The following CDKAL1 variants were observed in gnomAD, a reference collection of about 807,000 sequenced individuals.
CDKAL1 encodes the protein threonylcarbamoyladenosine tRNA methylthiotransferase.
In CDKAL1, 32 loss-of-function variants were observed where a neutral mutation model predicts 68.2. That is an observed-to-expected ratio of 0.47 (90% CI 0.35 to 0.63). CDKAL1 has a LOEUF of 0.63. Ranked by LOEUF, CDKAL1 falls within the 30% of genes least tolerant of loss-of-function variation. The probability of loss-of-function intolerance (pLI) is 0.00; values close to 1 mark genes in which losing one functional copy is unlikely to be tolerated. For synonymous variants in CDKAL1, 234 were observed against 244.3 expected (o/e 0.96, Z 0.39); for missense variants, 606 against 696.7 (o/e 0.87, Z 1.47).
At chr6:21,226,441 C>G (rs1269744456) in intron 15 of CDKAL1, among the ~76,000 whole-genome samples, 1 of 152,116 alleles carries the variant, frequency 6.6e-6, no homozygotes, top group Non-Finnish European at 1.5e-5. Context: ...ATCAAGGGAG[C>G]AGTGAGATTT....
chr6:21,138,227 A>G lies in CDKAL1; in HGVS notation c.1299+29764A>G, dbSNP rs972258254. 1.2e-4 allele frequency among the ~76,000 whole-genome samples: 6 copies of G among 48,686 alleles called. No individual in the cohort carries two copies. In the South Asian group the frequency reaches 4.6e-3, roughly 37 times the overall value. The allele number at this position is 48,686 out of a possible 152,430, so 31.9% of individuals were successfully genotyped here. A position where few individuals can be genotyped will look rare whatever the true frequency, so the allele number is the denominator to read the frequency against. ...TAATAACCCACATTTGTGTGTGTGTATGTGTGTGTCTGTGTGTGTGTGTGT... is the reference window on the plus strand; with the variant it reads ...TAATAACCCACATTTGTGTGTGTGTGTGTGTGTGTCTGTGTGTGTGTGTGT... On this transcript the variant is annotated intron_variant, in intron 13 of 15. Transcript: ENST00000274695.
At chr6:20,675,313 A>G (rs1309354948) in intron 5 of CDKAL1, among the ~76,000 whole-genome samples, 1 of 152,152 alleles carries the variant, frequency 6.6e-6, no homozygotes, top group Non-Finnish European at 1.5e-5. Context: ...CTGAGAACAC[A>G]TCTGGTCCTT....
chr6:20,769,322 G>A (rs562949099), intron 7 of CDKAL1, among the ~76,000 whole-genome samples: 2 of 144,512 alleles, frequency 1.4e-5, no homozygotes, highest in East Asian at 2.0e-4. Flanking sequence ...GCAGTGGTGC[G>A]ATCTTGGCTC....
At chr6:21,034,365 T>A (rs1769459496) in intron 11 of CDKAL1, among the ~76,000 whole-genome samples, 2 of 152,208 alleles carry the variant, frequency 1.3e-5, no homozygotes, top group African/African-American at 4.8e-5. Flanking sequence ...CTTTTATGAG[T>A]TCCATCTTTA....
chr6:21,090,473 T>G (rs1011269717), intron 12 of CDKAL1, among the ~76,000 whole-genome samples: 2 of 152,228 alleles, frequency 1.3e-5, no homozygotes, highest in Non-Finnish European at 2.9e-5. Context: ...AAATCCATTG[T>G]GCTTAGAAAA....
intron 12 of CDKAL1, among the ~76,000 whole-genome samples, chr6:21,099,592 A>G (rs889650318): frequency 2.6e-5 from 4 of 152,218 alleles, no homozygotes; most frequent in Admixed American, 1.3e-4. Flanking sequence ...TAATCCAGAT[A>G]AGAGGTAAAG....
rs55636413 is a variant in CDKAL1 at position 20,603,458 on chromosome 6, A to C, written c.287-45835A>C. ...GGTGGCTCAGACTCCTTTGATACCA[A>C]CTTCTGTTCCATTGCTTCCACTCCT... On this transcript the variant is annotated intron_variant, in intron 4 of 15. Coordinates refer to ENST00000274695, the MANE Select transcript of CDKAL1 (RefSeq NM_017774.3). Among the ~76,000 whole-genome samples, 412 of 152,294 alleles carry C rather than the reference A, an allele frequency of 2.7e-3. 3 individuals carry two copies. Among genetic ancestry groups the C allele is most frequent in the South Asian group, 6.0e-3 (29 of 4,830 alleles).
intron 11 of CDKAL1, among the ~76,000 whole-genome samples, chr6:21,015,680 A>T (rs1768284721): frequency 6.6e-6 from 1 of 152,132 alleles, no homozygotes; most frequent in South Asian, 2.1e-4. Flanking sequence ...TAATCCCAGC[A>T]CTTTGGGATG....
chr6:20,637,778 C>G (rs7751957), intron 4 of CDKAL1, among the ~76,000 whole-genome samples: 31,760 of 152,104 alleles, frequency 0.21, 3,385 homozygotes, highest in East Asian at 0.37. Flanking sequence ...CTGTGTGTTT[C>G]TGGTATACAT....
At chr6:20,724,274 G>C (rs1356876922) in intron 5 of CDKAL1, among the ~76,000 whole-genome samples, 1 of 151,932 alleles carries the variant, frequency 6.6e-6, no homozygotes, top group Non-Finnish European at 1.5e-5. Flanking sequence ...GGGCATTTTT[G>C]TTACTCCCTG....
At chr6:20,873,170 A>C (rs772847361) in intron 9 of CDKAL1, among the ~76,000 whole-genome samples, 1 of 152,182 alleles carries the variant, frequency 6.6e-6, no homozygotes, top group Non-Finnish European at 1.5e-5. Flanking sequence ...GGGGCAAGAG[A>C]TGATGAATAA....
chr6:20,548,148 C>A (rs758737979), intron 3 of CDKAL1, among the ~76,000 whole-genome samples: 2 of 152,052 alleles, frequency 1.3e-5, no homozygotes, highest in Non-Finnish European at 2.9e-5. Flanking sequence ...TAAGTTGGTG[C>A]GTTTAATGAA....
chr6:20,825,980 T>C (rs1777487688), intron 8 of CDKAL1, among the ~76,000 whole-genome samples: 1 of 152,186 alleles, frequency 6.6e-6, no homozygotes, highest in African/African-American at 2.4e-5. Context: ...TAGCTACTTT[T>C]TCTTTACTCA....
intron 8 of CDKAL1, among the ~76,000 whole-genome samples, chr6:20,817,644 T>C (rs1305484122): frequency 6.6e-6 from 1 of 152,190 alleles, no homozygotes; most frequent in Admixed American, 6.5e-5. Flanking sequence ...TTTTATGTTA[T>C]TGCTTTAAAT....
chr6:21,061,427 T>C lies in CDKAL1; in HGVS notation c.1056-3621T>C, dbSNP rs75482505. On this transcript the variant is annotated intron_variant, in intron 11 of 15. Coordinates refer to ENST00000274695, the MANE Select transcript of CDKAL1 (RefSeq NM_017774.3). ...AAGTTCCTAAAATTGAATAACATAT[T>C]ACTTAGTATTTACATACATTACACA... Among the ~76,000 whole-genome samples the C allele has an allele frequency of 4.4e-3, 675 of 152,256 alleles. 4 individuals carry two copies. Among genetic ancestry groups the C allele is most frequent in the African/African-American group, 0.015 (620 of 41,562 alleles).
intron 7 of CDKAL1, among the ~76,000 whole-genome samples, chr6:20,779,247 C>A (rs9358367): frequency 7.2e-5 from 11 of 152,194 alleles, no homozygotes; most frequent in Admixed American, 4.6e-4. Context: ...AAATGTTAAA[C>A]ATAAATTTAC....
At chr6:21,202,770 A>G (rs1335882948) in intron 15 of CDKAL1, among the ~76,000 whole-genome samples, 3 of 152,180 alleles carry the variant, frequency 2.0e-5, no homozygotes, top group Non-Finnish European at 4.4e-5. Context: ...TTCCTTAACT[A>G]TAGTGTTACT....
chr6:20,832,487 AC>A (rs1368626086), intron 8 of CDKAL1, among the ~76,000 whole-genome samples: 4 of 151,688 alleles, frequency 2.6e-5, no homozygotes, highest in African/African-American at 7.3e-5. Flanking sequence ...AAAAAAAAAA[AC>A]AAAACACGTG....
At chr6:20,981,861 G>T (rs1766167941) in intron 10 of CDKAL1, among the ~76,000 whole-genome samples, 1 of 152,038 alleles carries the variant, frequency 6.6e-6, no homozygotes, top group Non-Finnish European at 1.5e-5. Context: ...GAAAATTGTT[G>T]ATGGTCCCCA....
Sources: gnomAD v4.1 joint callset for allele counts (sites outside exome capture counted in the v4.1 genomes callset) on GRCh38, gnomAD v4.1.1 for gene constraint, MANE v1.5 for transcripts, NCBI Gene and HGNC (gene_info 2026-07-23, HGNC 2026-07-21) for gene names.